GGA1: variants seen among roughly 807,000 people sequenced by gnomAD.
The protein encoded by GGA1 is golgi associated, gamma adaptin ear containing, ARF binding protein 1, also known as ADP-ribosylation factor-binding protein GGA1.
Under a neutral mutation model 76.9 loss-of-function variants are expected in GGA1, and 18 were observed. The observed-to-expected ratio is 0.23, with a 90% confidence interval of 0.16 to 0.35. The LOEUF is 0.35. Among genes scored for constraint, GGA1 ranks in the 10% least tolerant of loss-of-function variants. GGA1 has a pLI of 1.00. For synonymous variants in GGA1, 342 were observed against 354.7 expected (o/e 0.96, Z 0.40); for missense variants, 755 against 859.0 (o/e 0.88, Z 1.51).
At chr22:37,621,943 C>A (rs1929967150) in intron 7 of GGA1, among the ~76,000 whole-genome samples, 1 of 150,300 alleles carries the variant, frequency 6.7e-6, no homozygotes, top group Admixed American at 6.6e-5. Context: ...ATGAATTAGG[C>A]CTTAGTATAT....
chr22:37,623,262 T>G lies in GGA1; in HGVS notation c.610-65T>G. 6.9e-7 allele frequency: 1 copy of G among 1,457,356 alleles called. No homozygotes were observed. The highest frequency in any genetic ancestry group is 9.6e-7 in the Non-Finnish European group (1 of 1,038,532). 90.3% of individuals were successfully genotyped at this position (1,457,356 alleles called of 1,614,324 possible). A position where few individuals can be genotyped will look rare whatever the true frequency, so the allele number is the denominator to read the frequency against. On this transcript the variant is annotated intron_variant, in intron 7 of 16. Transcript: ENST00000343632. This position sits in a 1 kb window ranked among gnomAD's most constrained non-coding sequence, Gnocchi z 4.6. ...AGATCCCAGCACACATTCTCTCAAG[T>G]GGCAGGGGGCAGTGCCTCGTCCAGG...
chr22:37,611,589 C>T (rs952182378), intron 1 of GGA1, among the ~76,000 whole-genome samples: 3 of 152,342 alleles, frequency 2.0e-5, no homozygotes, highest in Admixed American at 6.5e-5. Flanking sequence ...TGGCGGCCAG[C>T]CACTGGGATT....
chr22:37,630,723 C>T (rs1931648536), intron 13 of GGA1, 180 bp from the exon 14 acceptor site: 7 of 580,276 alleles, frequency 1.2e-5, no homozygotes, highest in South Asian at 1.1e-4. Context: ...TGCGCTACCA[C>T]GCCCAGCTAG....
chr22:37,620,974 GA>G, intron 6 of GGA1, 61 bp downstream of exon 6: 1 of 973,606 alleles, frequency 1.0e-6, no homozygotes, highest in Non-Finnish European at 1.7e-6. Flanking sequence ...CGTGGGTTCT[GA>G]CCTCTAGCTG....
chr22:37,622,934 A>G lies in GGA1; in HGVS notation c.610-393A>G, dbSNP rs768209178. 2.6e-5 allele frequency among the ~76,000 whole-genome samples: 4 copies of G among 152,368 alleles called. 1 individual carries two copies. In the Middle Eastern group the frequency reaches 0.01, roughly 389 times the overall value. On this transcript the variant is annotated intron_variant, in intron 7 of 16. Transcript: ENST00000343632. ...CGTTTCCAGGCTGTACCTGGTGACCACAGAGGTCCCCTTGCACTATGAAGT... is the reference window on the plus strand; with the variant it reads ...CGTTTCCAGGCTGTACCTGGTGACCGCAGAGGTCCCCTTGCACTATGAAGT...
chr22:37,620,373 A>G lies in GGA1; in HGVS notation c.427+12A>G, dbSNP rs1929660263. On this transcript the variant is annotated intron_variant, in intron 5 of 16. Transcript: ENST00000343632. ...GCTAAAGAAGCAGGGTGAGGCACAC[A>G]GAGGGTGGGGGGCGACCAGGGCCTG... 7 of 1,613,720 alleles carry G rather than the reference A, an allele frequency of 4.3e-6. No homozygotes were observed. Among genetic ancestry groups the G allele is most frequent in the Non-Finnish European group, 5.1e-6 (6 of 1,179,930 alleles).
intron 1 of GGA1, among the ~76,000 whole-genome samples, chr22:37,611,530 C>T (rs754746687): frequency 6.6e-6 from 1 of 152,236 alleles, no homozygotes; most frequent in African/African-American, 2.4e-5. Context: ...TTTGTCTGTT[C>T]ACTGCTGGAG....
At position 37,625,679 on chromosome 22, in the gene GGA1, G is replaced by A. The variant is rs750356130; in HGVS notation, c.941-118G>A. The A allele has an allele frequency of 1.2e-4, 87 of 709,440 alleles. No homozygotes were observed. Among genetic ancestry groups the A allele is most frequent in the Non-Finnish European group, 1.7e-4 (75 of 449,680 alleles). The allele number at this position is 709,440 out of a possible 1,614,324, so 43.9% of individuals were successfully genotyped here. A position where few individuals can be genotyped will look rare whatever the true frequency, so the allele number is the denominator to read the frequency against. On this transcript the variant is annotated intron_variant, in intron 10 of 16. Transcript: ENST00000343632. The surrounding 1 kb of genome is among the most constrained non-coding windows in gnomAD (Gnocchi z 4.1). ...AGGGGCTGGTGTGGCCAAGGAAGGG[G>A]AGGCAGGAGACCAGTGGTAAAGCAT...
chr22:37,610,803 G>A (rs183820286), intron 1 of GGA1: 2 of 152,304 alleles, frequency 1.3e-5, no homozygotes, highest in Non-Finnish European at 2.9e-5. Context: ...CTGCCTGCTA[G>A]GGAGGGTACT....
intron 1 of GGA1, among the ~76,000 whole-genome samples, chr22:37,611,781 G>A (rs1365041662): frequency 6.6e-6 from 1 of 152,236 alleles, no homozygotes; most frequent in East Asian, 1.9e-4. Context: ...GTCCTTAGAG[G>A]TGGGCTGTGG....
At chr22:37,628,298 T>C (rs138065945) in intron 11 of GGA1, among the ~76,000 whole-genome samples, 12 of 152,278 alleles carry the variant, frequency 7.9e-5, no homozygotes, top group Non-Finnish European at 1.3e-4. Flanking sequence ...CCAGGGCTTA[T>C]CTCAAACCCC....
intron 1 of GGA1, chr22:37,613,227 T>G (rs1928071330): frequency 1.4e-5 from 13 of 924,358 alleles, no homozygotes; most frequent in Non-Finnish European, 1.7e-5. Context: ...CCCCTCATTC[T>G]CTGCCTCGTG....
chr22:37,617,224 C>T (rs1928979720), intron 3 of GGA1: 8 of 1,391,968 alleles, frequency 5.7e-6, no homozygotes, highest in African/African-American at 1.5e-5. Context: ...GGAAGGCCCT[C>T]TAGGGTCATC....
chr22:37,625,084 G>A lies in GGA1; in HGVS notation c.940+8G>A, dbSNP rs1334650560. The A allele has an allele frequency of 2.5e-6, 4 of 1,578,568 alleles. No homozygotes were observed. The highest frequency in any genetic ancestry group is 2.3e-5 in the East Asian group (1 of 43,392). On this transcript the variant is annotated splice_region_variant and intron_variant, in intron 10 of 16. Transcript: ENST00000343632. The surrounding 1 kb of genome is among the most constrained non-coding windows in gnomAD (Gnocchi z 4.1). ...CAGCCGGCTCCATCCCTGGTGAGGA[G>A]GTGGCAGGAGAGCTGGGAGGGCACC...
chr22:37,612,073 T>G (rs528892072), intron 1 of GGA1, among the ~76,000 whole-genome samples: 1 of 151,784 alleles, frequency 6.6e-6, no homozygotes, highest in Middle Eastern at 3.4e-3. Flanking sequence ...GGAGAATCGT[T>G]TGAACCCAGG....
chr22:37,620,950 C>T, intron 6 of GGA1, 37 bp downstream of exon 6: 1 of 1,305,140 alleles, frequency 7.7e-7, no homozygotes, highest in Non-Finnish European at 1.1e-6. Context: ...GGACTCTGAG[C>T]CCAGGTGGGG....
chr22:37,630,817 C>A, intron 13 of GGA1, 86 bp from the exon 14 acceptor site: 1 of 940,104 alleles, frequency 1.1e-6, no homozygotes, highest in South Asian at 1.4e-5. Context: ...ATCTGCCCGC[C>A]TCAGCCTCCC....
At chr22:37,617,630 T>G (rs1370680642) in intron 3 of GGA1, 1 of 737,786 alleles carries the variant, frequency 1.4e-6, no homozygotes, top group Admixed American at 6.3e-5. Flanking sequence ...GGCAAGGAGT[T>G]CAAGGCTACA....
chr22:37,612,239 T>C (rs557792146), intron 1 of GGA1, among the ~76,000 whole-genome samples: 3,353 of 146,668 alleles, frequency 0.023, 60 homozygotes, highest in Non-Finnish European at 0.036. Context: ...CCGAGGCAGG[T>C]GGATCACGAG....
Sources: gnomAD v4.1 joint callset for allele counts (sites outside exome capture counted in the v4.1 genomes callset) on GRCh38, gnomAD v4.1.1 for gene constraint, Gnocchi (gnomAD v3.1) non-coding constraint, MANE v1.5 for transcripts, NCBI Gene and HGNC (gene_info 2026-07-23, HGNC 2026-07-21) for gene names.